CATSPERE: variants seen among roughly 807,000 people sequenced by gnomAD.
CATSPERE encodes the protein cation channel sperm-associated auxiliary subunit epsilon.
A neutral mutation model predicts 114.1 loss-of-function variants in CATSPERE; 93 were observed. That is an observed-to-expected ratio of 0.81 (90% CI 0.69 to 0.97). The LOEUF (loss-of-function observed/expected upper bound fraction) is 0.97. Ranked by LOEUF, CATSPERE falls within the 50% of genes least tolerant of loss-of-function variation. The pLI, the probability that CATSPERE is intolerant of heterozygous loss-of-function variation, is 0.00. For synonymous variants in CATSPERE, 341 were observed against 384.1 expected, an observed-to-expected ratio of 0.89 and a Z score of 1.31; for missense variants, 1,058 against 1,131.6, an observed-to-expected ratio of 0.93 and a Z score of 0.93.
chr1:244,637,318 C>A (rs541859099), intron 21 of CATSPERE, among the ~76,000 whole-genome samples: 1 of 152,298 alleles, frequency 6.6e-6, no homozygotes, highest in Admixed American at 6.5e-5. Context: ...CACACTCACA[C>A]TGTTTTCCTC....
chr1:244,452,876 G>A (rs982092652), upstream of CATSPERE, among the ~76,000 whole-genome samples: 1 of 151,956 alleles, frequency 6.6e-6, no homozygotes, highest in Non-Finnish European at 1.5e-5. Context: ...ATGCCCTTTC[G>A]ACACCAACAC....
At position 244,553,602 on chromosome 1, in the gene CATSPERE, TACACACACACACAC is replaced by T. The variant is rs67626437; in HGVS notation, c.1029+818_1029+831del. Among the ~76,000 whole-genome samples the T allele has an allele frequency of 7.6e-4, 70 of 91,938 alleles. 1 individual carries two copies. The highest frequency in any genetic ancestry group is 3.0e-3 in the African/African-American group (60 of 19,780). 60.3% of individuals were successfully genotyped at this position (91,938 alleles called of 152,430 possible). A position where few individuals can be genotyped will look rare whatever the true frequency, so the allele number is the denominator to read the frequency against. On this transcript the variant is annotated intron_variant, in intron 9 of 21. Coordinates refer to ENST00000366534, the MANE Select transcript of CATSPERE (RefSeq NM_001130957.2). ...TCTCAAAAAAAAAAAAAAAAAAAAA[TACACACACACACAC>T]ACACACACACACACACACACACACA...
At chr1:244,605,842 T>G in intron 18 of CATSPERE, 48 bp downstream of exon 18, 1 of 1,262,780 alleles carries the variant, frequency 7.9e-7, no homozygotes, top group Non-Finnish European at 1.1e-6. Context: ...AACTAGACAA[T>G]GTCTTCCTGT....
At chr1:244,465,631 T>C (rs1667483129) in intron 2 of CATSPERE, among the ~76,000 whole-genome samples, 1 of 152,242 alleles carries the variant, frequency 6.6e-6, no homozygotes, top group Non-Finnish European at 1.5e-5. Flanking sequence ...TCTTAACTGC[T>C]ATAGCTTTCT....
At chr1:244,557,580 TATAA>T (rs1661842978) in intron 9 of CATSPERE, among the ~76,000 whole-genome samples, 2 of 105,456 alleles carry the variant, frequency 1.9e-5, no homozygotes, top group South Asian at 3.0e-4. Context: ...TATATATATA[TATAA>T]AATCTCCCAG....
chr1:244,500,273 A>T (rs755550193), intron 7 of CATSPERE, among the ~76,000 whole-genome samples: 4 of 151,672 alleles, frequency 2.6e-5, no homozygotes, highest in South Asian at 4.2e-4. Flanking sequence ...GATTGCAAAA[A>T]TTTTCTCCCA....
At chr1:244,623,220 G>A (rs991359590) in intron 20 of CATSPERE, among the ~76,000 whole-genome samples, 1 of 152,038 alleles carries the variant, frequency 6.6e-6, no homozygotes, top group Non-Finnish European at 1.5e-5. Flanking sequence ...TGAGACTACA[G>A]GCACCTGCCA....
chr1:244,551,467 C>G (rs1660613638), intron 8 of CATSPERE, among the ~76,000 whole-genome samples: 1 of 152,140 alleles, frequency 6.6e-6, no homozygotes. Flanking sequence ...GAGAAGAAAA[C>G]ATACTCATAG....
intron 5 of CATSPERE, among the ~76,000 whole-genome samples, chr1:244,489,214 TCGGG>T (rs1671550882): frequency 1.3e-5 from 2 of 152,156 alleles, no homozygotes; most frequent in Admixed American, 1.3e-4. Context: ...TCCTCCTGCC[TCGGG>T]CTCCCAAAGT....
At position 244,504,931 on chromosome 1, in the gene CATSPERE, A is replaced by G. The variant is rs1674587549; in HGVS notation, c.429+5852A>G. On this transcript the variant is annotated intron_variant, in intron 7 of 21. Transcript: ENST00000366534. The surrounding 1 kb of genome is among the most constrained non-coding windows in gnomAD (Gnocchi z 4.1). The stretch of plus-strand genomic sequence containing the variant: ...TACCTTCTTAAGGAAAGGAGTATCT[A>G]CATAAATATTTTTGGAATTCTTATT... 6.6e-6 allele frequency among the ~76,000 whole-genome samples: 1 copy of G among 152,238 alleles called. No individual in the cohort carries two copies. Among genetic ancestry groups the G allele is most frequent in the Non-Finnish European group, 1.5e-5 (1 of 68,042 alleles).
chr1:244,579,587 C>G (rs187260665), intron 11 of CATSPERE, among the ~76,000 whole-genome samples: 1 of 152,092 alleles, frequency 6.6e-6, no homozygotes, highest in Non-Finnish European at 1.5e-5. Flanking sequence ...TTGCATAGTT[C>G]AAACATGTGT....
intron 8 of CATSPERE, among the ~76,000 whole-genome samples, chr1:244,547,223 A>T (rs1659894636): frequency 6.8e-6 from 1 of 146,714 alleles, no homozygotes; most frequent in African/African-American, 2.5e-5. Flanking sequence ...AACCAAGAAT[A>T]CTGTGCTCGG....
intron 8 of CATSPERE, among the ~76,000 whole-genome samples, chr1:244,526,744 G>A (rs1047173357): frequency 4.0e-5 from 6 of 151,482 alleles, no homozygotes; most frequent in African/African-American, 1.5e-4. Flanking sequence ...AAACTCCTAG[G>A]TATCGGGGGA....
chr1:244,624,607 C>T (rs1346964403), intron 20 of CATSPERE, among the ~76,000 whole-genome samples: 2 of 151,946 alleles, frequency 1.3e-5, no homozygotes, highest in African/African-American at 4.8e-5. Context: ...TCGAGACCAG[C>T]CTGGCCAACA....
rs1672283405 is a variant in CATSPERE at position 244,621,242 on chromosome 1, G to GATATATCTATATAAATATATTTAT, written c.2648+3562_2648+3563insCTATATAAATATATTTATATATAT. On this transcript the variant is annotated intron_variant, in intron 20 of 21. Coordinates refer to ENST00000366534, the MANE Select transcript of CATSPERE (RefSeq NM_001130957.2). ...ATATTTATATAAATATATTTATATA[G>GATATATCTATATAAATATATTTAT]ATATATTTATATAGATATATTTATA... Among the ~76,000 whole-genome samples, 39 of 6,070 alleles carry GATATATCTATATAAATATATTTAT rather than the reference G, an allele frequency of 6.4e-3. 10 individuals are homozygous for GATATATCTATATAAATATATTTAT. Among genetic ancestry groups the GATATATCTATATAAATATATTTAT allele is most frequent in the Non-Finnish European group, 0.014 (34 of 2,484 alleles). The allele number at this position is 6,070 out of a possible 152,430, so 4.0% of individuals were successfully genotyped here. A position where few individuals can be genotyped will look rare whatever the true frequency, so the allele number is the denominator to read the frequency against.
At chr1:244,489,931 G>A (rs528419664) in intron 5 of CATSPERE, among the ~76,000 whole-genome samples, 1 of 152,262 alleles carries the variant, frequency 6.6e-6, no homozygotes, top group South Asian at 2.1e-4. Context: ...GCATCAATGA[G>A]AAAAGAAATA....
chr1:244,556,861 C>G (rs1661658210), intron 9 of CATSPERE, among the ~76,000 whole-genome samples: 1 of 152,060 alleles, frequency 6.6e-6, no homozygotes, highest in African/African-American at 2.4e-5. Context: ...TTTCTATACA[C>G]TAACAACAAG....
intron 13 of CATSPERE, among the ~76,000 whole-genome samples, chr1:244,585,309 A>G (rs1572882973): frequency 6.6e-6 from 1 of 152,316 alleles, no homozygotes; most frequent in African/African-American, 2.4e-5. Context: ...ATTACATAGT[A>G]ATTATCTAAT....
At chr1:244,556,268 A>G (rs1022224016) in intron 9 of CATSPERE, among the ~76,000 whole-genome samples, 7 of 152,188 alleles carry the variant, frequency 4.6e-5, no homozygotes, top group African/African-American at 1.7e-4. Context: ...AAAAATTTAT[A>G]CAAGATAGAG....
Sources: allele counts gnomAD v4.1 joint callset (sites outside exome capture counted in the v4.1 genomes callset), GRCh38; gene constraint gnomAD v4.1.1; non-coding constraint Gnocchi (gnomAD v3.1); transcripts MANE v1.5; gene names NCBI Gene and HGNC (gene_info 2026-07-23, HGNC 2026-07-21).